UGGT2: variants seen among roughly 807,000 people sequenced by gnomAD.
The protein encoded by UGGT2 is UDP-glucose glycoprotein glucosyltransferase 2.
Under a neutral mutation model 192.1 loss-of-function variants are expected in UGGT2, and 180 were observed. That is an observed-to-expected ratio of 0.94 (90% CI 0.83 to 1.06). The LOEUF (loss-of-function observed/expected upper bound fraction) is 1.06. Ranked by LOEUF, UGGT2 falls within the 50% of genes least tolerant of loss-of-function variation. The pLI is 0.00. For missense variants in UGGT2, 1,849 were observed against 1,795.7 expected (o/e 1.03, Z -0.54); for synonymous variants, 580 against 591.0 (o/e 0.98, Z 0.27).
chr13:96,045,372 C>A (rs559864566), intron 1 of UGGT2, among the ~76,000 whole-genome samples: 1 of 152,184 alleles, frequency 6.6e-6, no homozygotes, highest in East Asian at 1.9e-4. Flanking sequence ...AACCCACAGC[C>A]AACATAATAC....
chr13:95,908,239 TG>T (rs2048356476), intron 20 of UGGT2, among the ~76,000 whole-genome samples: 1 of 152,104 alleles, frequency 6.6e-6, no homozygotes, highest in African/African-American at 2.4e-5. Flanking sequence ...CCAAGAAATA[TG>T]GAACTATGTG....
rs569057623 is a variant in UGGT2, at chr13:95,818,688, G to T, written c.4528+14239C>A. ...GTGTGATGTAGCTTGAACAGGGCAG[G>T]ACTGATTACTGGGGAGGCAGAGAGA... On this transcript the variant is annotated intron_variant, in intron 38 of 38. Coordinates refer to ENST00000376747, the MANE Select transcript of UGGT2 (RefSeq NM_020121.4). Among the ~76,000 whole-genome samples the T allele has an allele frequency of 3.3e-5, 5 of 152,224 alleles. No individual in the cohort carries two copies. In the South Asian group the frequency reaches 1.0e-3, roughly 32 times the overall value.
At chr13:95,855,106 T>TAAAA (rs10713359) in intron 34 of UGGT2, among the ~76,000 whole-genome samples, 17 of 49,916 alleles carry the variant, frequency 3.4e-4, no homozygotes, top group Admixed American at 1.1e-3. Context: ...ACCCTGTCTG[T>TAAAA]AAAAAAAAAA....
At position 96,045,477 on chromosome 13, in the gene UGGT2, C is replaced by T. The variant is rs567861137; in HGVS notation, c.158+7678G>A. 3.3e-5 allele frequency among the ~76,000 whole-genome samples: 5 copies of T among 152,228 alleles called. No individual in the cohort carries two copies. The South Asian group carries it at 1.0e-3, about 32-fold the overall frequency. On this transcript the variant is annotated intron_variant, in intron 1 of 38. Coordinates refer to ENST00000376747, the MANE Select transcript of UGGT2 (RefSeq NM_020121.4). ...TTCTATTCAACATAGTAATGGAAGTCCTAGTCAGAACAATCAGACAAGAGA... is the reference window on the plus strand; with the variant it reads ...TTCTATTCAACATAGTAATGGAAGTTCTAGTCAGAACAATCAGACAAGAGA...
At chr13:95,924,202 A>C (rs1229042038) in intron 20 of UGGT2, among the ~76,000 whole-genome samples, 1 of 152,096 alleles carries the variant, frequency 6.6e-6, no homozygotes, top group Non-Finnish European at 1.5e-5. Flanking sequence ...AACAATTATT[A>C]AAAGATAGCA....
At chr13:95,900,780 AAG>A (rs2048082108) in intron 22 of UGGT2, 25 bp downstream of exon 22, 1 of 1,595,590 alleles carries the variant, frequency 6.3e-7, no homozygotes, top group South Asian at 1.1e-5. Context: ...TCACTGAGAA[AAG>A]AGAGCAATAG....
chr13:95,857,472 T>C (rs1330643828), intron 33 of UGGT2, among the ~76,000 whole-genome samples: 2 of 152,096 alleles, frequency 1.3e-5, no homozygotes, highest in African/African-American at 4.8e-5. Context: ...GGAATTATAG[T>C]TTGTATAGTG....
chr13:95,996,290 T>C (rs1045189222), intron 6 of UGGT2, among the ~76,000 whole-genome samples, 155 bp from the exon 7 acceptor site: 19 of 152,074 alleles, frequency 1.2e-4, no homozygotes, highest in Admixed American at 3.9e-4. Flanking sequence ...TCACTTGAGC[T>C]CACGAGTTCA....
intron 4 of UGGT2, among the ~76,000 whole-genome samples, chr13:96,018,507 C>T (rs1464410747): frequency 6.6e-6 from 1 of 151,900 alleles, no homozygotes; most frequent in African/African-American, 2.4e-5. Context: ...TAGAGTGAGA[C>T]CTTGTCTCAA....
At chr13:95,952,246 G>A (rs555704948) in intron 12 of UGGT2, among the ~76,000 whole-genome samples, 2 of 151,984 alleles carry the variant, frequency 1.3e-5, no homozygotes, top group South Asian at 2.1e-4. Context: ...AAAAAGATAC[G>A]ACGGCCCCAG....
intron 5 of UGGT2, among the ~76,000 whole-genome samples, chr13:96,001,913 G>GACT (rs1594547915): frequency 1.3e-5 from 2 of 151,968 alleles, no homozygotes; most frequent in African/African-American, 4.8e-5. Flanking sequence ...TCTTCCTTAT[G>GACT]ACTTTCTTAA....
intron 10 of UGGT2, among the ~76,000 whole-genome samples, chr13:95,982,568 G>A (rs9562007): frequency 0.34 from 51,464 of 151,768 alleles, 8,993 homozygotes; most frequent in Middle Eastern, 0.39. Flanking sequence ...ATCAGACACC[G>A]CCTCCTCAAG....
At chr13:95,942,272 G>T (rs2049717534) in intron 15 of UGGT2, among the ~76,000 whole-genome samples, 1 of 125,562 alleles carries the variant, frequency 8.0e-6, no homozygotes, top group African/African-American at 2.9e-5. Flanking sequence ...GTGTGTGTGT[G>T]TTGTCTGTAG....
At chr13:95,821,878 T>C (rs1173271220) in intron 38 of UGGT2, among the ~76,000 whole-genome samples, 1 of 152,088 alleles carries the variant, frequency 6.6e-6, no homozygotes, top group Non-Finnish European at 1.5e-5. Flanking sequence ...CTGTAAGTAT[T>C]TGGCTTCATT....
At chr13:95,851,261 A>T (rs1889000375) in intron 36 of UGGT2, among the ~76,000 whole-genome samples, 1 of 152,164 alleles carries the variant, frequency 6.6e-6, no homozygotes. Context: ...TTTTAATTTG[A>T]GGTAAGTTTT....
chr13:95,934,271 T>G (rs1413801585), intron 17 of UGGT2, among the ~76,000 whole-genome samples: 2 of 152,236 alleles, frequency 1.3e-5, no homozygotes, highest in African/African-American at 4.8e-5. Flanking sequence ...TGAGACTTAC[T>G]TTATGGCCAA....
chr13:95,834,545 T>C (rs1887078975), intron 37 of UGGT2, among the ~76,000 whole-genome samples: 3 of 152,178 alleles, frequency 2.0e-5, no homozygotes, highest in Non-Finnish European at 2.9e-5. Flanking sequence ...ACCTTCAATA[T>C]TATTAGTCAT....
At chr13:95,853,698 T>C (rs3099360) in intron 35 of UGGT2, 41 bp from the exon 36 acceptor site, 562,888 of 1,418,830 alleles carry the variant, frequency 0.4, 114,702 homozygotes, top group Admixed American at 0.48. Context: ...ATGTTGTTTA[T>C]GTAGTTTTAG....
chr13:95,999,687 C>T (rs2051736908), intron 5 of UGGT2, among the ~76,000 whole-genome samples: 1 of 152,052 alleles, frequency 6.6e-6, no homozygotes, highest in South Asian at 2.1e-4. Flanking sequence ...ATTTGCTAAA[C>T]CAAAAATCCT....
Sources: gnomAD v4.1 joint callset for allele counts (sites outside exome capture counted in the v4.1 genomes callset) on GRCh38, gnomAD v4.1.1 for gene constraint, MANE v1.5 for transcripts, NCBI Gene and HGNC (gene_info 2026-07-23, HGNC 2026-07-21) for gene names.